Variants in ZC3HAV1 observed in about 807,000 individuals in gnomAD.
The protein encoded by ZC3HAV1 is zinc finger CCCH-type antiviral protein 1.
Under a neutral mutation model 86.6 loss-of-function variants are expected in ZC3HAV1, and 41 were observed. The ratio of observed to expected loss-of-function variants is 0.47; its 90% confidence interval spans 0.37 to 0.61. ZC3HAV1 has a LOEUF of 0.61. Among genes scored for constraint, ZC3HAV1 ranks in the 20% least tolerant of loss-of-function variants. ZC3HAV1 has a pLI of 0.00. For synonymous variants in ZC3HAV1, 421 were observed against 432.1 expected, an observed-to-expected ratio of 0.97 and a Z score of 0.32; for missense variants, 964 against 1,141.1, an observed-to-expected ratio of 0.84 and a Z score of 2.24.
At chr7:139,075,943 A>G (rs1584855497) in intron 6 of ZC3HAV1, among the ~76,000 whole-genome samples, 1 of 152,202 alleles carries the variant, frequency 6.6e-6, no homozygotes, top group African/African-American at 2.4e-5. Flanking sequence ...TCTGTGATGA[A>G]CTGATCAGGA....
chr7:139,096,203 G>A (rs575827768), intron 1 of ZC3HAV1, among the ~76,000 whole-genome samples: 97 of 152,124 alleles, frequency 6.4e-4, no homozygotes, highest in African/African-American at 2.2e-3. Context: ...TAGTAGAGAC[G>A]GGGTTTCTCC....
chr7:139,065,013 A>G lies in ZC3HAV1; in HGVS notation c.1873-14T>C. ...CCGTTTGTCTTTCTAATTGGAAAAA[A>G]AATAAAAGGTAAAGTCAGGGTAGGC... On this transcript the variant is annotated splice_polypyrimidine_tract_variant and intron_variant, in intron 7 of 12. Transcript: ENST00000242351. The G allele has an allele frequency of 6.2e-7, 1 of 1,613,836 alleles. No individual in the cohort carries two copies. The highest frequency in any genetic ancestry group is 8.5e-7 in the Non-Finnish European group (1 of 1,179,942).
rs367922264 is a variant in ZC3HAV1, at chr7:139,072,288, G to A, written c.1872+1568C>T. Among the ~76,000 whole-genome samples the A allele has an allele frequency of 4.1e-4, 63 of 151,994 alleles. 2 individuals carry two copies. Among genetic ancestry groups the A allele is most frequent in the African/African-American group, 1.4e-3 (56 of 41,444 alleles). On this transcript the variant is annotated intron_variant, in intron 7 of 12. Transcript: ENST00000242351. ...GCAACCTCTGCCTGCAGGTTCAAGCGATTCTCCTGCCTCAGACTCCTGAGT... is the reference window on the plus strand; with the variant it reads ...GCAACCTCTGCCTGCAGGTTCAAGCAATTCTCCTGCCTCAGACTCCTGAGT...
At chr7:139,067,750 A>G (rs986018080) in intron 7 of ZC3HAV1, among the ~76,000 whole-genome samples, 2 of 152,214 alleles carry the variant, frequency 1.3e-5, no homozygotes, top group Non-Finnish European at 2.9e-5. Context: ...AAAAGCATAC[A>G]CGTTCATTTA....
At chr7:139,052,894 C>G (rs1266266698) in intron 12 of ZC3HAV1, among the ~76,000 whole-genome samples, 1 of 150,126 alleles carries the variant, frequency 6.7e-6, no homozygotes, top group South Asian at 2.1e-4. Context: ...GTCACCCAAA[C>G]TGGGTGACAA....
chr7:139,047,328 C>CAAAAAA lies in ZC3HAV1; in HGVS notation c.*260_*265dup, dbSNP rs367919128. 8 of 261,996 alleles carry CAAAAAA rather than the reference C, an allele frequency of 3.1e-5. No homozygotes were observed. Among genetic ancestry groups the CAAAAAA allele is most frequent in the Admixed American group, 1.6e-4 (2 of 12,204 alleles). 16.2% of individuals were successfully genotyped at this position (261,996 alleles called of 1,614,324 possible). A position where few individuals can be genotyped will look rare whatever the true frequency, so the allele number is the denominator to read the frequency against. On this transcript the variant is annotated 3_prime_UTR_variant, in exon 13 of 13. Transcript: ENST00000242351. ...TGGACGATGGAGTGAGATTCAGTCT[C>CAAAAAA]AAAAAAAAAAAAAAAAAAAAAAATA...
intron 1 of ZC3HAV1, among the ~76,000 whole-genome samples, chr7:139,094,279 T>A (rs1432860986): frequency 5.9e-5 from 9 of 151,326 alleles, no homozygotes; most frequent in African/African-American, 1.9e-4. Flanking sequence ...ATACTTGGAG[T>A]ATAGGCAGCT....
chr7:139,059,484 C>T (rs892558089), intron 9 of ZC3HAV1, among the ~76,000 whole-genome samples: 7 of 151,764 alleles, frequency 4.6e-5, no homozygotes, highest in Non-Finnish European at 1.0e-4. Context: ...GAGCATAGTG[C>T]CATGTGCCTG....
At chr7:139,050,950 T>C (rs560151176) in intron 12 of ZC3HAV1, among the ~76,000 whole-genome samples, 6 of 152,360 alleles carry the variant, frequency 3.9e-5, no homozygotes, top group Admixed American at 1.3e-4. Context: ...CCTTGTTCCA[T>C]TTCTCCCTTC....
intron 1 of ZC3HAV1, among the ~76,000 whole-genome samples, chr7:139,093,715 T>C (rs1254059807): frequency 6.6e-6 from 1 of 152,180 alleles, no homozygotes; most frequent in African/African-American, 2.4e-5. Flanking sequence ...CTCCCTTCGC[T>C]GACTCTCTTT....
chr7:139,069,435 C>T (rs1294607296), intron 7 of ZC3HAV1, among the ~76,000 whole-genome samples: 15 of 152,156 alleles, frequency 9.9e-5, no homozygotes, highest in Admixed American at 2.0e-4. Flanking sequence ...CATAGCCTCC[C>T]GCTGTTTCTC....
chr7:139,058,445 C>T (rs951188760), intron 9 of ZC3HAV1, among the ~76,000 whole-genome samples: 3 of 145,360 alleles, frequency 2.1e-5, no homozygotes, highest in Admixed American at 6.7e-5. Context: ...CCCCAACCCC[C>T]CCCCCCCCCA....
At position 139,068,313 on chromosome 7, in the gene ZC3HAV1, G is replaced by C. The variant is rs1816668542; in HGVS notation, c.1873-3314C>G. The stretch of plus-strand genomic sequence containing the variant: ...GACCTCAAGTGATCTGCCCGCCTCA[G>C]CCTCCCAAAGTGCTGGGATTACAGG... On this transcript the variant is annotated intron_variant, in intron 7 of 12. Transcript: ENST00000242351. Among the ~76,000 whole-genome samples the C allele has an allele frequency of 2.0e-5, 3 of 152,148 alleles. No individual in the cohort carries two copies. The South Asian group carries it at 6.2e-4, about 31-fold the overall frequency.
chr7:139,062,711 AATACACTTGCAGTCTAG>A (rs372977782), intron 8 of ZC3HAV1, among the ~76,000 whole-genome samples: 206 of 152,342 alleles, frequency 1.4e-3, no homozygotes, highest in African/African-American at 4.6e-3. Context: ...TGCATGACAG[AATACACTTGCAGTCTAG>A]TTCAGGAATA....
Position 139,052,863 on chromosome 7 carries a change from A to G in ZC3HAV1, c.2449+588T>C, listed in dbSNP as rs1055348235. On this transcript the variant is annotated intron_variant, in intron 12 of 12. Coordinates refer to ENST00000242351, the MANE Select transcript of ZC3HAV1 (RefSeq NM_020119.4). The stretch of plus-strand genomic sequence containing the variant: ...AGGATCACTTGAGCCCAGGAGGTTG[A>G]GGCTGCAGTGAGCCGAGATTGTCAC... Among the ~76,000 whole-genome samples, 4 of 151,802 alleles carry G rather than the reference A, an allele frequency of 2.6e-5. No homozygotes were observed. The East Asian group carries it at 7.8e-4, about 29-fold the overall frequency.
chr7:139,101,399 A>AGCGTCTCTGCCAGGGCG (rs1388203744), intron 1 of ZC3HAV1, among the ~76,000 whole-genome samples: 3 of 138,112 alleles, frequency 2.2e-5, no homozygotes, highest in Non-Finnish European at 4.7e-5. Flanking sequence ...GGAAGTGAGG[A>AGCGTCTCTGCCAGGGCG]GCGTCTCTGC....
At chr7:139,053,850 G>C in intron 11 of ZC3HAV1, 115 bp downstream of exon 11, 33 of 1,138,836 alleles carry the variant, frequency 2.9e-5, no homozygotes, top group South Asian at 6.3e-5. Context: ...AAAGACTAGC[G>C]CCTAAAGGAA....
rs1163687639 is a variant in ZC3HAV1, at chr7:139,046,995, C to T, written c.*599G>A. On this transcript the variant is annotated 3_prime_UTR_variant, in exon 13 of 13. Coordinates refer to ENST00000242351, the MANE Select transcript of ZC3HAV1 (RefSeq NM_020119.4). ...CCAGTTACATCTGAGACAAGGTAAACTTTCCAACACATTGGAATCATCAGA... is the reference window on the plus strand; with the variant it reads ...CCAGTTACATCTGAGACAAGGTAAATTTTCCAACACATTGGAATCATCAGA... The T allele has an allele frequency of 6.6e-6, 1 of 152,476 alleles. No homozygotes were observed. The highest frequency in any genetic ancestry group is 6.5e-5 in the Admixed American group (1 of 15,272). 9.4% of individuals were successfully genotyped at this position (152,476 alleles called of 1,614,324 possible). A position where few individuals can be genotyped will look rare whatever the true frequency, so the allele number is the denominator to read the frequency against.
chr7:139,070,553 A>C (rs887035665), intron 7 of ZC3HAV1, among the ~76,000 whole-genome samples: 66 of 148,654 alleles, frequency 4.4e-4, no homozygotes, highest in African/African-American at 1.6e-3. Flanking sequence ...AGTCCCAGCT[A>C]TTTGGGAGGC....
Sources: allele counts gnomAD v4.1 joint callset (sites outside exome capture counted in the v4.1 genomes callset), GRCh38; gene constraint gnomAD v4.1.1; transcripts MANE v1.5; gene names NCBI Gene and HGNC (gene_info 2026-07-23, HGNC 2026-07-21).